PRKN: variants seen among roughly 807,000 people sequenced by gnomAD.
The protein encoded by PRKN is parkin RBR E3 ubiquitin protein ligase.
A neutral mutation model predicts 59.5 loss-of-function variants in PRKN; 56 were observed. The observed-to-expected ratio is 0.94, with a 90% CI of 0.76 to 1.18. The LOEUF is 1.18. Ranked by LOEUF, PRKN falls within the 50% of genes most tolerant of loss-of-function variation. The pLI, the probability that PRKN is intolerant of heterozygous loss-of-function variation, is 0.00. For missense variants in PRKN, 657 were observed against 596.4 expected, an observed-to-expected ratio of 1.10 and a Z score of -1.06; for synonymous variants, 250 against 222.1, an observed-to-expected ratio of 1.13 and a Z score of -1.12.
At chr6:162,148,352 C>T (rs886707844) in intron 4 of PRKN, among the ~76,000 whole-genome samples, 9 of 145,344 alleles carry the variant, frequency 6.2e-5, no homozygotes, top group Non-Finnish European at 1.5e-5. Flanking sequence ...AATTCACCAG[C>T]GTTTGGGTTT....
At chr6:161,710,518 T>C (rs1257640871) in intron 7 of PRKN, among the ~76,000 whole-genome samples, 1 of 152,110 alleles carries the variant, frequency 6.6e-6, no homozygotes, top group African/African-American at 2.4e-5. Context: ...AGGCATGGAG[T>C]GTGTGCATAT....
At chr6:161,687,173 G>A (rs1645631673) in intron 7 of PRKN, among the ~76,000 whole-genome samples, 1 of 151,748 alleles carries the variant, frequency 6.6e-6, no homozygotes, top group Non-Finnish European at 1.5e-5. Flanking sequence ...GACTGCCTGA[G>A]GTCAGGAGTT....
At chr6:161,542,526 T>C (rs949494283) in intron 9 of PRKN, among the ~76,000 whole-genome samples, 1 of 152,252 alleles carries the variant, frequency 6.6e-6, no homozygotes, top group African/African-American at 2.4e-5. Context: ...TCAAGCTGTC[T>C]CACAGGCAGA....
At position 162,213,128 on chromosome 6, in the gene PRKN, C is replaced by G. The variant is rs572868720; in HGVS notation, c.413-11876G>C. Among the ~76,000 whole-genome samples the G allele has an allele frequency of 2.0e-5, 3 of 152,086 alleles. No individual in the cohort carries two copies. In the South Asian group the frequency reaches 6.2e-4, roughly 32 times the overall value. The stretch of plus-strand genomic sequence containing the variant: ...TCTAAATGTACTTTAATCTTGTCTG[C>G]AAAAAGGATTGGGTTGTTTGGGAAA... On this transcript the variant is annotated intron_variant, in intron 3 of 11. Coordinates refer to ENST00000366898, the MANE Select transcript of PRKN (RefSeq NM_004562.3).
At chr6:162,296,484 C>T (rs971655223) in intron 2 of PRKN, among the ~76,000 whole-genome samples, 2 of 151,998 alleles carry the variant, frequency 1.3e-5, no homozygotes, top group East Asian at 1.9e-4. Flanking sequence ...TCTGAAATCC[C>T]CCGGAGCTGC....
At position 161,994,956 on chromosome 6, in the gene PRKN, G is replaced by A. The variant is rs188461416; in HGVS notation, c.619-21539C>T. On this transcript the variant is annotated intron_variant, in intron 5 of 11. Transcript: ENST00000366898. ...AAAAAACAGTCCTAAAATATGTATG[G>A]AACCACAAAAGACCCTGAGTAGCCA... Among the ~76,000 whole-genome samples, 64 of 151,318 alleles carry A rather than the reference G, an allele frequency of 4.2e-4. 1 individual carries two copies. The highest frequency in any genetic ancestry group is 6.9e-3 in the Middle Eastern group (2 of 290).
At chr6:161,384,711 C>A (rs1396670726) in intron 10 of PRKN, among the ~76,000 whole-genome samples, 1 of 152,178 alleles carries the variant, frequency 6.6e-6, no homozygotes, top group African/African-American at 2.4e-5. Context: ...CCATGTGGCA[C>A]CCTCTGCTGG....
intron 1 of PRKN, among the ~76,000 whole-genome samples, chr6:162,628,798 A>T (rs1782995476): frequency 6.6e-6 from 1 of 152,180 alleles, no homozygotes; most frequent in African/African-American, 2.4e-5. Context: ...GCTTTAATGA[A>T]CAATAGCTTT....
chr6:161,687,779 T>C (rs528189277), intron 7 of PRKN, among the ~76,000 whole-genome samples: 34 of 152,212 alleles, frequency 2.2e-4, no homozygotes, highest in African/African-American at 8.2e-4. Context: ...TAAAAATATA[T>C]TAAACATGTT....
At chr6:162,024,668 A>C (rs1310529250) in intron 5 of PRKN, among the ~76,000 whole-genome samples, 1 of 152,196 alleles carries the variant, frequency 6.6e-6, no homozygotes, top group African/African-American at 2.4e-5. Flanking sequence ...CACTATAGTG[A>C]ACAATTTTTA....
In PRKN at chr6:161,390,511, CAG is replaced by C. The variant is rs1786458581; in HGVS notation, c.1084-3636_1084-3635del. 6.6e-6 allele frequency among the ~76,000 whole-genome samples: 1 copy of C among 151,950 alleles called. No individual in the cohort carries two copies. Among genetic ancestry groups the C allele is most frequent in the African/African-American group, 2.4e-5 (1 of 41,382 alleles). On this transcript the variant is annotated intron_variant, in intron 9 of 11. Transcript: ENST00000366898. This position sits in a 1 kb window ranked among gnomAD's most constrained non-coding sequence, Gnocchi z 7.0. ...TTATTTATTTATTTATTTATTGAGACAGAGTCTTGCTCTGTTGCCCAGGCTGG... is the reference window on the plus strand; with the variant it reads ...TTATTTATTTATTTATTTATTGAGACAGTCTTGCTCTGTTGCCCAGGCTGG...
chr6:162,634,573 A>G (rs368148069), intron 1 of PRKN, among the ~76,000 whole-genome samples: 1 of 152,134 alleles, frequency 6.6e-6, no homozygotes, highest in African/African-American at 2.4e-5. Context: ...AGCTTGTATC[A>G]CCAGCCACTA....
intron 6 of PRKN, among the ~76,000 whole-genome samples, chr6:161,847,321 T>C (rs1793241522): frequency 6.6e-6 from 1 of 151,744 alleles, no homozygotes; most frequent in Non-Finnish European, 1.5e-5. Context: ...AAAAAAAATT[T>C]GTTACTGAAT....
At chr6:161,896,272 G>C (rs1350339376) in intron 6 of PRKN, among the ~76,000 whole-genome samples, 1 of 152,196 alleles carries the variant, frequency 6.6e-6, no homozygotes, top group Non-Finnish European at 1.5e-5. Flanking sequence ...CTGCTGAATA[G>C]AAGACAGTGG....
intron 6 of PRKN, among the ~76,000 whole-genome samples, chr6:161,881,770 T>C (rs948857501): frequency 6.6e-6 from 1 of 152,114 alleles, no homozygotes; most frequent in African/African-American, 2.4e-5. Flanking sequence ...TACAAAAACA[T>C]TGGACTCAGA....
chr6:162,066,575 A>G (rs907762978), intron 4 of PRKN, among the ~76,000 whole-genome samples: 1 of 152,122 alleles, frequency 6.6e-6, no homozygotes, highest in African/African-American at 2.4e-5. Flanking sequence ...AGCTTGCAGG[A>G]GTGGGTTCTC....
chr6:161,942,741 T>A (rs1779612211), intron 6 of PRKN, among the ~76,000 whole-genome samples: 1 of 152,118 alleles, frequency 6.6e-6, no homozygotes, highest in Non-Finnish European at 1.5e-5. Context: ...ACTGTTCATA[T>A]CATTTATTTG....
At chr6:162,366,298 T>G (rs10945818) in intron 2 of PRKN, among the ~76,000 whole-genome samples, 43,529 of 152,048 alleles carry the variant, frequency 0.29, 6,395 homozygotes, top group African/African-American at 0.32. Flanking sequence ...AGAATGTCAT[T>G]CTAGTTTTCT....
intron 5 of PRKN, among the ~76,000 whole-genome samples, chr6:161,977,568 G>C (rs1283243551): frequency 1.0e-5 from 1 of 100,400 alleles, no homozygotes; most frequent in Non-Finnish European, 1.9e-5. Context: ...TTTTTTTTAA[G>C]ACAGAGTCTT....
Sources: gnomAD v4.1 joint callset for allele counts (sites outside exome capture counted in the v4.1 genomes callset) on GRCh38, gnomAD v4.1.1 for gene constraint, Gnocchi (gnomAD v3.1) non-coding constraint, MANE v1.5 for transcripts, NCBI Gene and HGNC (gene_info 2026-07-23, HGNC 2026-07-21) for gene names.